PCDHB2: variants seen among roughly 807,000 people sequenced by gnomAD.
PCDHB2 encodes the protein protocadherin beta-2.
For synonymous variants in PCDHB2, 395 were observed against 464.9 expected, an observed-to-expected ratio of 0.85 and a Z score of 1.93; for missense variants, 914 against 1,023.1, an observed-to-expected ratio of 0.89 and a Z score of 1.45.
In PCDHB2 at chr5:141,098,069, A is replaced by C. The variant is rs1374779265; in HGVS notation, c.*882A>C. ...GTCTTTAGAGATTGTAAGAATTTTA[A>C]CTGTTGGATTCTACAAGGCACTAAC... On this transcript the variant is annotated 3_prime_UTR_variant, in exon 1 of 1. Transcript: ENST00000194155. The C allele has an allele frequency of 6.6e-6, 1 of 152,184 alleles. No homozygotes were observed. The highest frequency in any genetic ancestry group is 1.5e-5 in the Non-Finnish European group (1 of 68,026). The allele number at this position is 152,184 out of a possible 1,614,324, so 9.4% of individuals were successfully genotyped here. A position where few individuals can be genotyped will look rare whatever the true frequency, so the allele number is the denominator to read the frequency against.
rs781910626 is a variant in PCDHB2 at position 141,095,199 on chromosome 5, GA to G, written c.410del (p.Asp137AlafsTer6). ...DVNDHSPVFLDKEILLKIPES... is the reference protein window; with the variant it reads ...DVNDHSPVFLXKEILLKIPES... ...AAATGATCATTCCCCAGTTTTCCTAGACAAAGAAATACTTTTGAAAATTCCA... is the reference window on the plus strand; with the variant it reads ...AAATGATCATTCCCCAGTTTTCCTAGCAAAGAAATACTTTTGAAAATTCCA... On this transcript the variant is annotated frameshift_variant, in exon 1 of 1. Transcript: ENST00000194155. LOFTEE classifies it low-confidence loss of function (END_TRUNC). The G allele has an allele frequency of 6.2e-7, 1 of 1,610,488 alleles. No homozygotes were observed. The highest frequency in any genetic ancestry group is 8.5e-7 in the Non-Finnish European group (1 of 1,178,302).
Position 141,097,253 on chromosome 5 carries a change from G to A in PCDHB2, c.*66G>A. The stretch of plus-strand genomic sequence containing the variant: ...GTGGAAAGTCCTTTTTTACTGCTTT[G>A]CCCATTGGAGGTGTCTCCTTTTATT... On this transcript the variant is annotated 3_prime_UTR_variant, in exon 1 of 1. Coordinates refer to ENST00000194155, the MANE Select transcript of PCDHB2 (RefSeq NM_018936.4). The A allele has an allele frequency of 6.7e-7, 1 of 1,491,350 alleles. No homozygotes were observed. Among genetic ancestry groups the A allele is most frequent in the South Asian group, 1.4e-5 (1 of 73,506 alleles). The allele number at this position is 1,491,350 out of a possible 1,614,324, so 92.4% of individuals were successfully genotyped here.
In PCDHB2 at chr5:141,095,295, C is replaced by G; in HGVS notation, c.505C>G (p.Leu169Val). ...GGACTTGGATGTAGGAACCAACAGT[C>G]TCCAAAATTACACAATCAGTCCCAA... ...AQDLDVGTNSLQNYTISPNFH... is the reference protein window; with the variant it reads ...AQDLDVGTNSVQNYTISPNFH... The change falls in exon 1 of 1, where the codon CTC becomes GTC. Residue 169 changes from leucine (L) to valine (V), a missense_variant. Transcript: ENST00000194155. 1 of 1,614,092 alleles carries G rather than the reference C, an allele frequency of 6.2e-7. No homozygotes were observed. Among genetic ancestry groups the G allele is most frequent in the East Asian group, 2.2e-5 (1 of 44,878 alleles).
rs782417561 is a variant in PCDHB2 at position 141,096,980 on chromosome 5, C to G, written c.2190C>G (p.Pro730=). 1 of 1,612,652 alleles carries G rather than the reference C, an allele frequency of 6.2e-7. No homozygotes were observed. Among genetic ancestry groups the G allele is most frequent in the African/African-American group, 1.3e-5 (1 of 74,796 alleles). The part of the protein sequence containing the change: ...RAASVGRCSV[P]EGPFPGQMVD... ...CCTCGGTGGGTCGCTGCTCGGTGCCCGAGGGCCCCTTTCCAGGGCAGATGG... is the reference window on the plus strand; with the variant it reads ...CCTCGGTGGGTCGCTGCTCGGTGCCGGAGGGCCCCTTTCCAGGGCAGATGG... Residue 730 remains proline, a synonymous_variant, in exon 1 of 1, where the codon CCC becomes CCG. Transcript: ENST00000194155.
At position 141,097,278 on chromosome 5, in the gene PCDHB2, T is replaced by C. The variant is rs1291407131; in HGVS notation, c.*91T>C. The stretch of plus-strand genomic sequence containing the variant: ...GCCCATTGGAGGTGTCTCCTTTTAT[T>C]AGAAAGTAACCATCTTATTCCAATT... On this transcript the variant is annotated 3_prime_UTR_variant, in exon 1 of 1. Transcript: ENST00000194155. The C allele has an allele frequency of 1.0e-5, 14 of 1,375,556 alleles. 1 individual carries two copies. In the South Asian group the frequency reaches 1.2e-4, roughly 12 times the overall value. 85.2% of individuals were successfully genotyped at this position (1,375,556 alleles called of 1,614,324 possible).
Position 141,096,450 on chromosome 5 carries a change from C to T in PCDHB2, c.1660C>T (p.Leu554=), listed in dbSNP as rs1238376371. The change falls in exon 1 of 1, where the codon CTG becomes TTG. Residue 554 remains leucine (L), a synonymous_variant. Transcript: ENST00000194155. The part of the protein sequence containing the change: ...SSEALVRVLV[L]DANDNSPFVL... The stretch of plus-strand genomic sequence containing the variant: ...CGAGGCGCTGGTGCGCGTGCTGGTG[C>T]TGGACGCCAACGACAACTCGCCCTT... 2 of 1,611,154 alleles carry T rather than the reference C, an allele frequency of 1.2e-6. No homozygotes were observed. The highest frequency in any genetic ancestry group is 1.7e-6 in the Non-Finnish European group (2 of 1,179,382).
chr5:141,097,131 G>A lies in PCDHB2; in HGVS notation c.2341G>A (p.Ala781Thr), dbSNP rs1751852797. 1.6e-5 allele frequency: 26 copies of A among 1,604,900 alleles called. No homozygotes were observed. Among genetic ancestry groups the A allele is most frequent in the Non-Finnish European group, 2.0e-5 (24 of 1,175,598 alleles). ...TATCCCCAACTTCGTTGCTCAGGGT[G>A]CAGAGAGGGTTAGCGAGGCAAATCC... ...PIIPNFVAQG[A>T]ERVSEANPSF... The change falls in exon 1 of 1, where the codon GCA becomes ACA. Residue 781 changes from alanine to threonine, a missense_variant. By Grantham distance (58) the Ala-to-Thr change is moderately conservative. Coordinates refer to ENST00000194155, the MANE Select transcript of PCDHB2 (RefSeq NM_018936.4).
chr5:141,095,589 T>G lies in PCDHB2; in HGVS notation c.799T>G (p.Ser267Ala), dbSNP rs1554271289. The change falls in exon 1 of 1, where the codon TCT becomes GCT. Residue 267 changes from serine (S) to alanine (A), a missense_variant. By Grantham distance (99) the Ser-to-Ala change is moderately conservative. Coordinates refer to ENST00000194155, the MANE Select transcript of PCDHB2 (RefSeq NM_018936.4). ...CGTTGGATCCCAGGTTGCCATCGTCTCTGCCAGGGATTTAGACATTGGAAC... is the reference window on the plus strand; with the variant it reads ...CGTTGGATCCCAGGTTGCCATCGTCGCTGCCAGGGATTTAGACATTGGAAC... ...SPVGSQVAIV[S>A]ARDLDIGTNG... is the part of the protein sequence containing the mutation. 2 of 1,614,104 alleles carry G rather than the reference T, an allele frequency of 1.2e-6. No homozygotes were observed. Among genetic ancestry groups the G allele is most frequent in the African/African-American group, 2.7e-5 (2 of 74,936 alleles).
Position 141,096,116 on chromosome 5 carries a change from G to C in PCDHB2, c.1326G>C (p.Leu442=), listed in dbSNP as rs782276525. The change falls in exon 1 of 1, where the codon CTG becomes CTC. Residue 442 remains leucine, a synonymous_variant. Transcript: ENST00000194155. ...RLKTEHNITV[L]VSDVNDNAPA... is the part of the protein sequence containing the mutation. The stretch of plus-strand genomic sequence containing the variant: ...AAACCGAGCACAACATAACCGTGCT[G>C]GTCTCCGACGTCAATGACAACGCCC... The C allele has an allele frequency of 2.2e-5, 35 of 1,613,904 alleles. No homozygotes were observed. In the South Asian group the frequency reaches 3.8e-4, roughly 18 times the overall value.
chr5:141,096,303 C>T lies in PCDHB2; in HGVS notation c.1513C>T (p.Leu505=), dbSNP rs1431701699. The T allele has an allele frequency of 6.2e-7, 1 of 1,613,422 alleles. No homozygotes were observed. Among genetic ancestry groups the T allele is most frequent in the Admixed American group, 1.7e-5 (1 of 60,032 alleles). The change falls in exon 1 of 1, where the codon CTG becomes TTG. Residue 505 remains leucine, a synonymous_variant. Coordinates refer to ENST00000194155, the MANE Select transcript of PCDHB2 (RefSeq NM_018936.4). The stretch of plus-strand genomic sequence containing the variant: ...GGACCCGCACCTGCCCCTCGCCTCC[C>T]TGGTCTCCATCAACGCGGACAACGG... ...PQDPHLPLAS[L]VSINADNGHL... is the part of the protein sequence containing the mutation.
chr5:141,094,701 C>G lies in PCDHB2; in HGVS notation c.-90C>G. On this transcript the variant is annotated 5_prime_UTR_variant, in exon 1 of 1. Coordinates refer to ENST00000194155, the MANE Select transcript of PCDHB2 (RefSeq NM_018936.4). Reference sequence around the variant, plus strand: ...GAAATCCGGGCCCTAGGATTGTCCACTCATCCCAGTATCAGCGAGATACGG... The same window carrying G: ...GAAATCCGGGCCCTAGGATTGTCCAGTCATCCCAGTATCAGCGAGATACGG... 1 of 1,096,742 alleles carries G rather than the reference C, an allele frequency of 9.1e-7. No homozygotes were observed. Among genetic ancestry groups the G allele is most frequent in the South Asian group, 1.6e-5 (1 of 61,912 alleles). 67.9% of individuals were successfully genotyped at this position (1,096,742 alleles called of 1,614,324 possible).
Position 141,094,749 on chromosome 5 carries a change from T to G in PCDHB2, c.-42T>G. ...CGGGGAGATAGAGTTAGCGACAACG[T>G]GAGCCAGAGCTGGAGCACGTTTGGT... On this transcript the variant is annotated 5_prime_UTR_variant, in exon 1 of 1. Coordinates refer to ENST00000194155, the MANE Select transcript of PCDHB2 (RefSeq NM_018936.4). The G allele has an allele frequency of 4.1e-6, 6 of 1,459,072 alleles. No homozygotes were observed. The highest frequency in any genetic ancestry group is 5.6e-6 in the Non-Finnish European group (6 of 1,079,998). 90.4% of individuals were successfully genotyped at this position (1,459,072 alleles called of 1,614,324 possible). A position where few individuals can be genotyped will look rare whatever the true frequency, so the allele number is the denominator to read the frequency against.
Position 141,095,241 on chromosome 5 carries a change from G to A in PCDHB2, c.451G>A (p.Gly151Arg), listed in dbSNP as rs782691889. The A allele has an allele frequency of 1.2e-6, 2 of 1,613,856 alleles. No individual in the cohort carries two copies. Among genetic ancestry groups the A allele is most frequent in the Admixed American group, 1.7e-5 (1 of 59,972 alleles). The change falls in exon 1 of 1, where the codon GGA becomes AGA. Residue 151 changes from glycine (G) to arginine (R), a missense_variant. By Grantham distance (125) the Gly-to-Arg change is moderately radical. Coordinates refer to ENST00000194155, the MANE Select transcript of PCDHB2 (RefSeq NM_018936.4). ...LLKIPESITP[G>R]TTFLIERAQD... is the part of the protein sequence containing the mutation. Reference sequence around the variant, plus strand: ...GAAAATTCCAGAAAGTATCACTCCTGGAACTACTTTCTTAATAGAACGTGC... The same window carrying A: ...GAAAATTCCAGAAAGTATCACTCCTAGAACTACTTTCTTAATAGAACGTGC...
rs140532159 is a variant in PCDHB2, at chr5:141,096,228, A to G, written c.1438A>G (p.Arg480Gly). ...CATCGGCAGCGTCAGCGCCACAGAC[A>G]GAGACTCGGGCACCAACGCCCAGGT... The part of the protein sequence containing the change: ...LHIGSVSATD[R>G]DSGTNAQVTY... Residue 480 changes from arginine to glycine, a missense_variant, in exon 1 of 1, where the codon AGA becomes GGA. Coordinates refer to ENST00000194155, the MANE Select transcript of PCDHB2 (RefSeq NM_018936.4). 2.3e-4 allele frequency: 373 copies of G among 1,612,870 alleles called. 2 individuals are homozygous for G. The African/African-American group carries it at 3.6e-3, about 16-fold the overall frequency.
In PCDHB2 at chr5:141,096,293, C is replaced by G. The variant is rs529121433; in HGVS notation, c.1503C>G (p.Pro501=). ...TGCCGCCCCAGGACCCGCACCTGCC[C>G]CTCGCCTCCCTGGTCTCCATCAACG... ...SLLPPQDPHL[P]LASLVSINAD... Residue 501 remains proline, a synonymous_variant, in exon 1 of 1, where the codon CCC becomes CCG. Transcript: ENST00000194155. 7.4e-6 allele frequency: 12 copies of G among 1,613,370 alleles called. No individual in the cohort carries two copies. The highest frequency in any genetic ancestry group is 6.7e-5 in the East Asian group (3 of 44,874).
In PCDHB2 at chr5:141,098,334, A is replaced by T. The variant is rs1250307632; in HGVS notation, c.*1147A>T. 1 of 152,158 alleles carries T rather than the reference A, an allele frequency of 6.6e-6. No individual in the cohort carries two copies. The highest frequency in any genetic ancestry group is 1.5e-5 in the Non-Finnish European group (1 of 68,028). The allele number at this position is 152,158 out of a possible 1,614,324, so 9.4% of individuals were successfully genotyped here. ...AAATCCAAAAAATTTGAGGGAGTAC[A>T]TGTCTTTGTCCTTTACCTTTAGAAC... On this transcript the variant is annotated 3_prime_UTR_variant, in exon 1 of 1. Coordinates refer to ENST00000194155, the MANE Select transcript of PCDHB2 (RefSeq NM_018936.4).
rs1257829795 is a variant in PCDHB2, at chr5:141,097,446, A to G, written c.*259A>G. The stretch of plus-strand genomic sequence containing the variant: ...GTAAAAGTAAATTTTGTATTTTCAG[A>G]AATCTTTAAGTTAGAGCATCTTTTC... On this transcript the variant is annotated 3_prime_UTR_variant, in exon 1 of 1. Transcript: ENST00000194155. 7.8e-6 allele frequency: 3 copies of G among 385,096 alleles called. No individual in the cohort carries two copies. Among genetic ancestry groups the G allele is most frequent in the Admixed American group, 4.3e-5 (1 of 23,238 alleles). 23.9% of individuals were successfully genotyped at this position (385,096 alleles called of 1,614,324 possible).
chr5:141,095,616 A>G lies in PCDHB2; in HGVS notation c.826A>G (p.Asn276Asp), dbSNP rs138534711. The G allele has an allele frequency of 6.2e-7, 1 of 1,614,188 alleles. No homozygotes were observed. The highest frequency in any genetic ancestry group is 1.3e-5 in the African/African-American group (1 of 75,054). ...VSARDLDIGTNGEISYAFSQA... is the reference protein window; with the variant it reads ...VSARDLDIGTDGEISYAFSQA... ...TGCCAGGGATTTAGACATTGGAACT[A>G]ATGGAGAAATATCTTATGCATTTTC... Residue 276 changes from asparagine to aspartate, a missense_variant, in exon 1 of 1, where the codon AAT (asparagine) becomes GAT (aspartate). Asn to Asp is a conservative substitution (Grantham distance 23, BLOSUM62 1). Coordinates refer to ENST00000194155, the MANE Select transcript of PCDHB2 (RefSeq NM_018936.4).
rs782044211 is a variant in PCDHB2, at chr5:141,096,213, G to C, written c.1423G>C (p.Val475Leu). 3 of 1,613,000 alleles carry C rather than the reference G, an allele frequency of 1.9e-6. No homozygotes were observed. Among genetic ancestry groups the C allele is most frequent in the Admixed American group, 3.3e-5 (2 of 60,036 alleles). ...NNSPALHIGS[V>L]SATDRDSGTN... ...CAGCCCCGCCCTGCACATCGGCAGC[G>C]TCAGCGCCACAGACAGAGACTCGGG... is the stretch of plus-strand genomic sequence containing the variant. Residue 475 changes from valine to leucine, a missense_variant, in exon 1 of 1, where the codon GTC becomes CTC. Coordinates refer to ENST00000194155, the MANE Select transcript of PCDHB2 (RefSeq NM_018936.4).
Sources: gnomAD v4.1 joint callset for allele counts on GRCh38, gnomAD v4.1.1 for gene constraint, MANE v1.5 for transcripts, NCBI Gene and HGNC (gene_info 2026-07-23, HGNC 2026-07-21) for gene names.